Variants in KLHL6 observed in about 807,000 individuals in gnomAD.
KLHL6 encodes kelch-like protein 6.
KLHL6 carries 41 observed loss-of-function variants against 58.6 expected under a neutral mutation model. That is an observed-to-expected ratio of 0.70 (90% CI 0.55 to 0.91). KLHL6 has a LOEUF of 0.91. Among genes scored for constraint, KLHL6 ranks in the 40% least tolerant of loss-of-function variants. The probability of loss-of-function intolerance (pLI) is 0.00; values close to 1 mark genes in which losing one functional copy is unlikely to be tolerated. For synonymous variants in KLHL6, 338 were observed against 322.7 expected (o/e 1.05, Z -0.51); for missense variants, 714 against 805.6 (o/e 0.89, Z 1.38).
chr3:183,554,097 G>A (rs1458741289), intron 1 of KLHL6, among the ~76,000 whole-genome samples: 1 of 152,116 alleles, frequency 6.6e-6, no homozygotes, highest in Admixed American at 6.6e-5. Flanking sequence ...GAATTCTAAG[G>A]GTATTTCTTT....
intron 1 of KLHL6, among the ~76,000 whole-genome samples, chr3:183,551,791 G>C (rs6803262): frequency 1.3e-5 from 2 of 152,134 alleles, no homozygotes; most frequent in African/African-American, 4.8e-5. Flanking sequence ...AGACAGGGTG[G>C]AGGAGGAAAT....
In KLHL6 at chr3:183,491,432, G is replaced by A. The variant is rs1717549223; in HGVS notation, c.*495C>T. 6.5e-6 allele frequency: 1 copy of A among 152,872 alleles called. No individual in the cohort carries two copies. Among genetic ancestry groups the A allele is most frequent in the African/African-American group, 2.4e-5 (1 of 41,478 alleles). 9.5% of individuals were successfully genotyped at this position (152,872 alleles called of 1,614,324 possible). A position where few individuals can be genotyped will look rare whatever the true frequency, so the allele number is the denominator to read the frequency against. On this transcript the variant is annotated 3_prime_UTR_variant, in exon 7 of 7. Coordinates refer to ENST00000341319, the MANE Select transcript of KLHL6 (RefSeq NM_130446.4). ...CCAGCAAGAGCCAGGTTTTGTTGTT[G>A]TTTTTTGTTTGTTTTTCCTGCTCTG...
intron 1 of KLHL6, among the ~76,000 whole-genome samples, chr3:183,528,847 T>G (rs1712064422): frequency 6.6e-6 from 1 of 152,160 alleles, no homozygotes; most frequent in Admixed American, 6.5e-5. Flanking sequence ...CACATGCACG[T>G]GTATGTTCAT....
At chr3:183,532,284 G>A (rs377107637) in intron 1 of KLHL6, among the ~76,000 whole-genome samples, 58 of 152,330 alleles carry the variant, frequency 3.8e-4, no homozygotes, top group African/African-American at 1.1e-3. Flanking sequence ...GAAGGTGGCC[G>A]TCTGCAAGCC....
chr3:183,498,924 A>T (rs1002799932), intron 4 of KLHL6, among the ~76,000 whole-genome samples: 11 of 152,380 alleles, frequency 7.2e-5, no homozygotes, highest in African/African-American at 2.4e-4. Context: ...TCATTACTGA[A>T]TTCCCACTGC....
At chr3:183,506,068 C>T (rs1717992174) in intron 3 of KLHL6, among the ~76,000 whole-genome samples, 1 of 152,170 alleles carries the variant, frequency 6.6e-6, no homozygotes, top group South Asian at 2.1e-4. Flanking sequence ...AATTCCTGGG[C>T]CACGTTTGGC....
intron 1 of KLHL6, among the ~76,000 whole-genome samples, chr3:183,542,810 G>C (rs1712593633): frequency 6.6e-6 from 1 of 152,108 alleles, no homozygotes; most frequent in South Asian, 2.1e-4. Context: ...CTCTGTGCCT[G>C]CCACAGAGTA....
At chr3:183,511,906 T>C (rs1172013246) in intron 2 of KLHL6, among the ~76,000 whole-genome samples, 8 of 152,006 alleles carry the variant, frequency 5.3e-5, no homozygotes, top group African/African-American at 1.9e-4. Flanking sequence ...ACAGTAACAG[T>C]CTGATCTCTC....
At chr3:183,514,477 A>T (rs371862660) in intron 2 of KLHL6, among the ~76,000 whole-genome samples, 18 of 151,994 alleles carry the variant, frequency 1.2e-4, no homozygotes, top group African/African-American at 4.3e-4. Flanking sequence ...ACCATCTGTT[A>T]TGATCCTACG....
intron 3 of KLHL6, among the ~76,000 whole-genome samples, chr3:183,504,764 G>C (rs1352207638): frequency 1.3e-5 from 2 of 152,084 alleles, no homozygotes; most frequent in East Asian, 3.8e-4. Flanking sequence ...GTGTTGTGGG[G>C]GTTTGGTGTA....
chr3:183,493,542 G>A (rs758937910), intron 5 of KLHL6: 1 of 154,762 alleles, frequency 6.5e-6, no homozygotes, highest in Non-Finnish European at 1.4e-5. Context: ...ATGAGATGAG[G>A]TGGCTTTTCT....
intron 2 of KLHL6, among the ~76,000 whole-genome samples, chr3:183,519,096 G>C (rs1189757994): frequency 6.6e-6 from 1 of 152,190 alleles, no homozygotes; most frequent in Non-Finnish European, 1.5e-5. Context: ...GATGAGATGA[G>C]AGTGTATTGT....
chr3:183,489,604 T>C lies in KLHL6; in HGVS notation c.*2323A>G, dbSNP rs1202257927. The C allele has an allele frequency of 2.6e-5, 4 of 152,232 alleles. No individual in the cohort carries two copies. The highest frequency in any genetic ancestry group is 5.9e-5 in the Non-Finnish European group (4 of 68,038). The allele number at this position is 152,232 out of a possible 1,614,324, so 9.4% of individuals were successfully genotyped here. On this transcript the variant is annotated 3_prime_UTR_variant, in exon 7 of 7. Coordinates refer to ENST00000341319, the MANE Select transcript of KLHL6 (RefSeq NM_130446.4). Reference sequence around the variant, plus strand: ...ATTGAACTAGATTACACTGTTACATTGCTTCAGTTGGGAGCTTCCTGATGG... The same window carrying C: ...ATTGAACTAGATTACACTGTTACATCGCTTCAGTTGGGAGCTTCCTGATGG...
At chr3:183,549,524 G>A (rs371929184) in intron 1 of KLHL6, among the ~76,000 whole-genome samples, 2 of 152,188 alleles carry the variant, frequency 1.3e-5, no homozygotes, top group African/African-American at 2.4e-5. Context: ...TCGTCAGGTC[G>A]GGACACCTGA....
chr3:183,505,500 A>T (rs1295112264), intron 3 of KLHL6, among the ~76,000 whole-genome samples: 1 of 152,244 alleles, frequency 6.6e-6, no homozygotes, highest in Non-Finnish European at 1.5e-5. Flanking sequence ...TGCAAATTAA[A>T]CCCAAACTAA....
intron 2 of KLHL6, among the ~76,000 whole-genome samples, chr3:183,513,064 T>G (rs1241601218): frequency 6.6e-6 from 1 of 152,196 alleles, no homozygotes; most frequent in Admixed American, 6.5e-5. Context: ...TTTTTTAGAG[T>G]TTGTTGTATG....
chr3:183,538,894 C>A (rs971791865), intron 1 of KLHL6, among the ~76,000 whole-genome samples: 1 of 152,170 alleles, frequency 6.6e-6, no homozygotes, highest in African/African-American at 2.4e-5. Flanking sequence ...ACATCCTTGG[C>A]CTCAGATACT....
intron 2 of KLHL6, among the ~76,000 whole-genome samples, chr3:183,517,667 C>A (rs1036138808): frequency 6.6e-6 from 1 of 152,216 alleles, no homozygotes; most frequent in Non-Finnish European, 1.5e-5. Context: ...AATCAGCAAA[C>A]AGCCCCTGAG....
intron 1 of KLHL6, among the ~76,000 whole-genome samples, chr3:183,529,014 G>A (rs935774116): frequency 6.6e-6 from 1 of 152,154 alleles, no homozygotes; most frequent in African/African-American, 2.4e-5. Context: ...GGAAGGAGCT[G>A]GGGGCCATTA....
Sources: allele counts gnomAD v4.1 joint callset (sites outside exome capture counted in the v4.1 genomes callset), GRCh38; gene constraint gnomAD v4.1.1; transcripts MANE v1.5; gene names NCBI Gene and HGNC (gene_info 2026-07-23, HGNC 2026-07-21).